Variants in FA2H observed in about 807,000 individuals in gnomAD.
The protein encoded by FA2H is fatty acid 2-hydroxylase, also known as fatty acid alpha-hydroxylase.
A neutral mutation model predicts 44.9 loss-of-function variants in FA2H; 22 were observed. The ratio of observed to expected loss-of-function variants is 0.49; its 90% CI spans 0.35 to 0.70. The LOEUF (loss-of-function observed/expected upper bound fraction) is 0.70. Ranked by LOEUF, FA2H falls within the 30% of genes least tolerant of loss-of-function variation. The pLI, the probability that FA2H is intolerant of heterozygous loss-of-function variation, is 0.01. For missense variants in FA2H, 501 were observed against 504.9 expected (o/e 0.99, Z 0.07); for synonymous variants, 243 against 213.2 (o/e 1.14, Z -1.22).
rs1455769656 is a variant in FA2H at position 74,725,396 on chromosome 16, T to C, written c.613+829A>G. Among the ~76,000 whole-genome samples the C allele has an allele frequency of 2.0e-5, 3 of 152,196 alleles. No homozygotes were observed. The South Asian group carries it at 6.2e-4, about 31-fold the overall frequency. ...ACCTGGAGGCCCAAGGTAGGCAAGA[T>C]GCTTGTGGGGCTGGCTGTCCCAGCG... On this transcript the variant is annotated intron_variant, in intron 4 of 6. Transcript: ENST00000219368.
chr16:74,774,146 T>C (rs945436898), intron 1 of FA2H, among the ~76,000 whole-genome samples: 1 of 150,620 alleles, frequency 6.6e-6, no homozygotes, highest in Non-Finnish European at 1.5e-5. Context: ...CCGAGGCGTA[T>C]GGGGGGCTGG....
chr16:74,746,673 G>C (rs982819168), intron 1 of FA2H, among the ~76,000 whole-genome samples: 1 of 152,156 alleles, frequency 6.6e-6, no homozygotes, highest in Non-Finnish European at 1.5e-5. Flanking sequence ...AAACTCCCAG[G>C]CAAGCTGCAG....
chr16:74,774,027 C>T (rs1962959078), intron 1 of FA2H, among the ~76,000 whole-genome samples: 1 of 152,064 alleles, frequency 6.6e-6, no homozygotes, highest in Non-Finnish European at 1.5e-5. Context: ...CTCTTTGAAG[C>T]AGAAGTGAGG....
intron 2 of FA2H, among the ~76,000 whole-genome samples, chr16:74,739,442 T>A (rs1038045676): frequency 1.3e-5 from 2 of 151,742 alleles, no homozygotes; most frequent in African/African-American, 4.8e-5. Context: ...ACCGCTCAGC[T>A]CCTCCAGGGC....
chr16:74,727,399 A>T lies in FA2H; in HGVS notation c.364-13T>A, dbSNP rs1157050973. ...AGTCCACCAGGTCCTGCAAGAGATG[A>T]AGCCAAGTGGACGTTTGATATTCAC... On this transcript the variant is annotated splice_polypyrimidine_tract_variant and intron_variant, in intron 2 of 6. Coordinates refer to ENST00000219368, the MANE Select transcript of FA2H (RefSeq NM_024306.5). The T allele has an allele frequency of 6.2e-7, 1 of 1,614,130 alleles. No homozygotes were observed. Among genetic ancestry groups the T allele is most frequent in the Non-Finnish European group, 8.5e-7 (1 of 1,180,006 alleles).
intron 2 of FA2H, among the ~76,000 whole-genome samples, chr16:74,739,213 G>A (rs916722818): frequency 6.6e-6 from 1 of 152,204 alleles, no homozygotes; most frequent in Non-Finnish European, 1.5e-5. Context: ...GCAGGGAGGG[G>A]CCTGTCCCAT....
chr16:74,752,552 T>C (rs187400558), intron 1 of FA2H, among the ~76,000 whole-genome samples: 1 of 152,322 alleles, frequency 6.6e-6, no homozygotes, highest in East Asian at 1.9e-4. Context: ...ACAGAATGTT[T>C]CTATTCTATT....
chr16:74,767,702 C>A (rs540192526), intron 1 of FA2H, among the ~76,000 whole-genome samples: 1 of 152,310 alleles, frequency 6.6e-6, no homozygotes, highest in South Asian at 2.1e-4. Context: ...AGAATCTCCC[C>A]TAGAGCATCC....
rs373167213 is a variant in FA2H, at chr16:74,734,778, T to C, written c.363+5245A>G. Among the ~76,000 whole-genome samples the C allele has an allele frequency of 2.0e-5, 3 of 152,278 alleles. No individual in the cohort carries two copies. The South Asian group carries it at 6.2e-4, about 32-fold the overall frequency. ...GGTGTGCCCAGAATCTGCTTCTCCC[T>C]AAGGTGGCAAATGTGGTGAGCGGGG... On this transcript the variant is annotated intron_variant, in intron 2 of 6. Transcript: ENST00000219368.
rs144071567 is a variant in FA2H, at chr16:74,716,417, C to T, written c.969G>A (p.Pro323=). ...MTHYYLHFGS[P]HKGSYLYSLK... is the part of the protein sequence containing the mutation. ...GGCTGTACAGGTAGGAGCCCTTGTG[C>T]GGCGAGCCAAAGTGCAGGTAGTAAT... The change falls in exon 6 of 7, where the codon CCG becomes CCA. Residue 323 remains proline (P), a synonymous_variant. Transcript: ENST00000219368. 1.5e-4 allele frequency: 248 copies of T among 1,613,938 alleles called. 1 individual carries two copies. In the East Asian group the frequency reaches 3.6e-3, roughly 24 times the overall value.
chr16:74,735,568 C>T (rs1597553002), intron 2 of FA2H, among the ~76,000 whole-genome samples: 1 of 152,320 alleles, frequency 6.6e-6, no homozygotes, highest in African/African-American at 2.4e-5. Flanking sequence ...TGACCTCTGC[C>T]CTTAGGGCTG....
intron 1 of FA2H, among the ~76,000 whole-genome samples, chr16:74,754,738 G>A (rs1962584514): frequency 6.6e-6 from 1 of 151,994 alleles, no homozygotes; most frequent in Admixed American, 6.6e-5. Context: ...ATGTTGCCCA[G>A]GTTGGTCTCA....
chr16:74,761,352 CT>C (rs566226023), intron 1 of FA2H, among the ~76,000 whole-genome samples: 65 of 152,028 alleles, frequency 4.3e-4, no homozygotes, highest in Middle Eastern at 3.4e-3. Flanking sequence ...ACTCGGGAGG[CT>C]GAGACTGGAG....
intron 1 of FA2H, among the ~76,000 whole-genome samples, chr16:74,767,772 G>A (rs1962836226): frequency 6.6e-6 from 1 of 152,244 alleles, no homozygotes; most frequent in Non-Finnish European, 1.5e-5. Context: ...GAGTAAATGT[G>A]TGTTGCTTTA....
In FA2H at chr16:74,724,649, C is replaced by A. The variant is rs549684965; in HGVS notation, c.613+1576G>T. Among the ~76,000 whole-genome samples the A allele has an allele frequency of 2.0e-5, 3 of 152,280 alleles. No homozygotes were observed. The East Asian group carries it at 5.8e-4, about 29-fold the overall frequency. On this transcript the variant is annotated intron_variant, in intron 4 of 6. Coordinates refer to ENST00000219368, the MANE Select transcript of FA2H (RefSeq NM_024306.5). ...GACAAGCTGGGGGCTGAGGGAGGCA[C>A]GTGGAGACGTTATCTCTCATGCCCC...
chr16:74,736,683 C>A (rs1331786858), intron 2 of FA2H, among the ~76,000 whole-genome samples: 1 of 152,182 alleles, frequency 6.6e-6, no homozygotes, highest in Non-Finnish European at 1.5e-5. Context: ...GTTATGCCAG[C>A]ATCTGGCTTA....
chr16:74,726,060 G>C, intron 4 of FA2H, 165 bp downstream of exon 4: 1 of 630,298 alleles, frequency 1.6e-6, no homozygotes, highest in South Asian at 1.7e-5. Flanking sequence ...ATGGGAGTCA[G>C]ACAAAATTCT....
chr16:74,728,780 C>CA (rs1448853874), intron 2 of FA2H, among the ~76,000 whole-genome samples: 3 of 113,964 alleles, frequency 2.6e-5, no homozygotes, highest in African/African-American at 1.2e-4. Context: ...TTATCTCTTT[C>CA]TTTTTTTTTT....
At chr16:74,721,907 G>A (rs1440091587) in intron 4 of FA2H, among the ~76,000 whole-genome samples, 4 of 152,250 alleles carry the variant, frequency 2.6e-5, no homozygotes, top group Non-Finnish European at 4.4e-5. Context: ...CAGAGCAACA[G>A]TAACGGCAGA....
Sources: allele counts gnomAD v4.1 joint callset (sites outside exome capture counted in the v4.1 genomes callset), GRCh38; gene constraint gnomAD v4.1.1; transcripts MANE v1.5; gene names NCBI Gene and HGNC (gene_info 2026-07-23, HGNC 2026-07-21).